Variants in ME3 observed in about 807,000 individuals in gnomAD.
ME3 encodes malic enzyme 3, also known as NADP-dependent malic enzyme, mitochondrial.
In ME3, 48 loss-of-function variants were observed where a neutral mutation model predicts 68.9. The observed-to-expected ratio is 0.70, with a 90% CI of 0.55 to 0.89. ME3 has a LOEUF of 0.89. Among genes scored for constraint, ME3 ranks in the 40% least tolerant of loss-of-function variants. The probability of loss-of-function intolerance (pLI) is 0.00; values close to 1 mark genes in which losing one functional copy is unlikely to be tolerated. For synonymous variants in ME3, 320 were observed against 318.8 expected, an observed-to-expected ratio of 1.00 and a Z score of -0.04; for missense variants, 675 against 797.4, an observed-to-expected ratio of 0.85 and a Z score of 1.85.
exon 15 of ME3, chr11:86,441,417 G>T: frequency 1.2e-6 from 2 of 1,603,004 alleles, no homozygotes; most frequent in Non-Finnish European, 1.7e-6. Context: ...AAGCCAGGTT[G>T]TGTTTGTACG....
chr11:86,650,322 T>C (rs1293915823), intron 2 of ME3, among the ~76,000 whole-genome samples: 3 of 152,072 alleles, frequency 2.0e-5, no homozygotes, highest in Non-Finnish European at 2.9e-5. Context: ...ATGGATTAAA[T>C]ATTTAAACAT....
chr11:86,511,336 ACTC>A (rs1199394045), intron 4 of ME3, among the ~76,000 whole-genome samples: 3 of 151,110 alleles, frequency 2.0e-5, no homozygotes, highest in Non-Finnish European at 3.0e-5. Context: ...ATCTTGTTCC[ACTC>A]CTCTTCTCAC....
chr11:86,654,818 C>T (rs111644387), intron 2 of ME3, among the ~76,000 whole-genome samples: 1 of 152,162 alleles, frequency 6.6e-6, no homozygotes, highest in Non-Finnish European at 1.5e-5. Context: ...TCCCTGTTTG[C>T]AGATGACATG....
intron 7 of ME3, among the ~76,000 whole-genome samples, chr11:86,475,898 G>GAGAGAGAGAGAA (rs1951055507): frequency 6.7e-6 from 1 of 148,762 alleles, no homozygotes; most frequent in Non-Finnish European, 1.5e-5. Flanking sequence ...GAGAGAGAGA[G>GAGAGAGAGAGAA]AGAAAGAGAA....
At chr11:86,634,982 C>T (rs1452108865) in intron 2 of ME3, among the ~76,000 whole-genome samples, 4 of 152,272 alleles carry the variant, frequency 2.6e-5, no homozygotes, top group South Asian at 2.1e-4. Context: ...ATCTTTGCTC[C>T]GTTCTGGATG....
chr11:86,556,723 G>C (rs1956948315), intron 3 of ME3, 21 bp from the exon 4 acceptor site: 1 of 1,612,436 alleles, frequency 6.2e-7, no homozygotes, highest in Admixed American at 1.7e-5. Flanking sequence ...GAGAGAAAAA[G>C]CAAGCTGACA....
chr11:86,584,596 G>A (rs1440582863), intron 2 of ME3, among the ~76,000 whole-genome samples: 1 of 152,120 alleles, frequency 6.6e-6, no homozygotes, highest in Non-Finnish European at 1.5e-5. Flanking sequence ...TACATAAAAT[G>A]GAATATTATT....
In ME3 at chr11:86,496,139, C is replaced by A. The variant is rs1378853040; in HGVS notation, c.705+1824G>T. ...GGGATGCCTGGGCTGGGTGCAGTGG[C>A]TCAAGTCTGCAATCTCAGCACTTTG... On this transcript the variant is annotated intron_variant, in intron 6 of 14. Coordinates refer to ENST00000543262, the Ensembl canonical transcript of ME3. Among the ~76,000 whole-genome samples, 3 of 152,112 alleles carry A rather than the reference C, an allele frequency of 2.0e-5. No individual in the cohort carries two copies. In the East Asian group the frequency reaches 5.8e-4, roughly 29 times the overall value.
chr11:86,451,792 A>G (rs571665028), intron 8 of ME3, among the ~76,000 whole-genome samples: 2 of 152,334 alleles, frequency 1.3e-5, no homozygotes, highest in South Asian at 2.1e-4. Context: ...TGCCATCCAG[A>G]TATATTACAG....
At position 86,631,819 on chromosome 11, in the gene ME3, G is replaced by A. The variant is rs7128131; in HGVS notation, c.183+39943C>T. 3.6e-3 allele frequency among the ~76,000 whole-genome samples: 544 copies of A among 152,230 alleles called. 4 individuals are homozygous for A. The highest frequency in any genetic ancestry group is 0.012 in the African/African-American group (515 of 41,532). On this transcript the variant is annotated intron_variant, in intron 2 of 14. Transcript: ENST00000543262. ...ACAATTTCAACTCACTGCAACCTCCGCCTCTCGGGTTCAAGCAATTCTCCT... is the reference window on the plus strand; with the variant it reads ...ACAATTTCAACTCACTGCAACCTCCACCTCTCGGGTTCAAGCAATTCTCCT...
chr11:86,479,196 C>A (rs528950424), intron 7 of ME3, among the ~76,000 whole-genome samples: 4 of 152,304 alleles, frequency 2.6e-5, no homozygotes, highest in African/African-American at 9.6e-5. Context: ...TCTTCTCCGG[C>A]CCTTGAGCAT....
intron 2 of ME3, among the ~76,000 whole-genome samples, chr11:86,629,456 C>A (rs1401015635): frequency 6.6e-6 from 1 of 152,148 alleles, no homozygotes; most frequent in African/African-American, 2.4e-5. Context: ...TAGACCCTCC[C>A]CCTCCCCCGT....
intron 7 of ME3, among the ~76,000 whole-genome samples, chr11:86,468,673 A>AG (rs1381680758): frequency 6.6e-6 from 1 of 152,212 alleles, no homozygotes; most frequent in East Asian, 1.9e-4. Flanking sequence ...TGGATAAAAA[A>AG]ATGTTTCTCA....
intron 4 of ME3, among the ~76,000 whole-genome samples, chr11:86,537,652 T>C (rs1955768470): frequency 1.3e-5 from 2 of 152,206 alleles, no homozygotes; most frequent in South Asian, 4.1e-4. Flanking sequence ...ATTCCATCTG[T>C]TCCCATGTCA....
At chr11:86,549,043 C>T (rs1373907683) in intron 4 of ME3, among the ~76,000 whole-genome samples, 2 of 152,226 alleles carry the variant, frequency 1.3e-5, no homozygotes, top group Non-Finnish European at 2.9e-5. Flanking sequence ...CTTGCTCAGT[C>T]TATTTTAACA....
intron 4 of ME3, among the ~76,000 whole-genome samples, chr11:86,552,131 C>T (rs180969829): frequency 6.6e-4 from 100 of 152,302 alleles, no homozygotes; most frequent in African/African-American, 2.4e-3. Context: ...CCTACTAGGG[C>T]CAGGCCCTTT....
chr11:86,486,340 CTCTTT>C (rs1951686039), intron 7 of ME3, among the ~76,000 whole-genome samples: 1 of 152,208 alleles, frequency 6.6e-6, no homozygotes, highest in Non-Finnish European at 1.5e-5. Flanking sequence ...ACCAACAAAA[CTCTTT>C]TCTTATCTCC....
chr11:86,607,651 T>C (rs111307749), intron 2 of ME3, among the ~76,000 whole-genome samples: 122 of 151,522 alleles, frequency 8.1e-4, no homozygotes, highest in African/African-American at 2.7e-3. Flanking sequence ...TTTTGTTGTT[T>C]TTTTTCAGCT....
At chr11:86,634,018 A>C (rs188654542) in intron 2 of ME3, among the ~76,000 whole-genome samples, 26 of 152,290 alleles carry the variant, frequency 1.7e-4, no homozygotes, top group African/African-American at 5.8e-4. Context: ...ATTCTCCCTT[A>C]ACCTTGATAT....
Sources: allele counts gnomAD v4.1 joint callset (sites outside exome capture counted in the v4.1 genomes callset), GRCh38; gene constraint gnomAD v4.1.1; transcripts MANE v1.5; gene names NCBI Gene and HGNC (gene_info 2026-07-23, HGNC 2026-07-21).